IFT74: variants seen among roughly 807,000 people sequenced by gnomAD.
IFT74 encodes the protein intraflagellar transport protein 74 homolog.
In IFT74, 92 loss-of-function variants were observed where a neutral mutation model predicts 96.7. That is an observed-to-expected ratio of 0.95 (90% CI 0.80 to 1.13). IFT74 has a LOEUF of 1.13. Among genes scored for constraint, IFT74 ranks in the 50% most tolerant of loss-of-function variants. IFT74 has a pLI of 0.00. For missense variants in IFT74, 811 were observed against 698.2 expected (o/e 1.16, Z -1.82); for synonymous variants, 223 against 213.2 (o/e 1.05, Z -0.40).
At chr9:26,982,219 T>C in intron 4 of IFT74, 1 of 295,518 alleles carries the variant, frequency 3.4e-6, no homozygotes, top group Admixed American at 4.7e-5. Flanking sequence ...AGTATGTATT[T>C]GGTCAGTTGC....
chr9:26,995,715 G>A (rs755168921), intron 8 of IFT74: 3 of 1,613,694 alleles, frequency 1.9e-6, no homozygotes, highest in South Asian at 2.2e-5. Context: ...TCTTCCAGGC[G>A]ATGATGATTA....
chr9:26,978,056 T>C (rs1827200244), intron 2 of IFT74, 72 bp from the exon 3 acceptor site: 1 of 1,354,648 alleles, frequency 7.4e-7, no homozygotes, highest in Non-Finnish European at 9.9e-7. Context: ...AAATTGTCTT[T>C]GCAGTTTTAC....
rs574079812 is a variant in IFT74, at chr9:27,030,032, TG to T, written c.1054+933del. On this transcript the variant is annotated intron_variant, in intron 13 of 19. Transcript: ENST00000380062. ...AAATACTGTGGTGGGGGTTTGGGTG[TG>T]GGGGCTACATTGTTATTTATGGTTA... Among the ~76,000 whole-genome samples, 894 of 151,916 alleles carry T rather than the reference TG, an allele frequency of 5.9e-3. 9 individuals are homozygous for T. The highest frequency in any genetic ancestry group is 0.021 in the African/African-American group (851 of 41,444).
chr9:26,957,846 T>G (rs1467574244), intron 1 of IFT74, among the ~76,000 whole-genome samples: 1 of 151,592 alleles, frequency 6.6e-6, no homozygotes, highest in Non-Finnish European at 1.5e-5. Context: ...CAGGCTGGAG[T>G]GCAGTGGCGC....
At chr9:27,040,929 A>G (rs1819448994) in intron 13 of IFT74, among the ~76,000 whole-genome samples, 2 of 152,134 alleles carry the variant, frequency 1.3e-5, no homozygotes, top group Non-Finnish European at 2.9e-5. Context: ...TATGGGGTGA[A>G]CTTCCCTTGC....
chr9:26,990,403 A>G (rs963364723), intron 8 of IFT74, among the ~76,000 whole-genome samples: 2 of 152,212 alleles, frequency 1.3e-5, no homozygotes, highest in African/African-American at 4.8e-5. Flanking sequence ...GACTATTGCT[A>G]CATAGCTTAT....
At chr9:27,054,814 G>A (rs1820088876) in intron 16 of IFT74, among the ~76,000 whole-genome samples, 1 of 152,088 alleles carries the variant, frequency 6.6e-6, no homozygotes, top group Non-Finnish European at 1.5e-5. Context: ...TATATTTAGT[G>A]GCATGTTTTT....
chr9:26,974,748 G>A (rs768977638), intron 2 of IFT74, among the ~76,000 whole-genome samples: 66 of 152,176 alleles, frequency 4.3e-4, no homozygotes, highest in African/African-American at 1.4e-3. Flanking sequence ...ATATTAACTC[G>A]ACCCAGGTAT....
intron 8 of IFT74, among the ~76,000 whole-genome samples, chr9:27,002,731 C>T (rs1322242895): frequency 6.6e-6 from 1 of 152,168 alleles, no homozygotes; most frequent in Non-Finnish European, 1.5e-5. Flanking sequence ...GTGATGCCTC[C>T]AGCTTTGTTC....
At chr9:26,980,953 G>A (rs1036049550) in intron 4 of IFT74, among the ~76,000 whole-genome samples, 2 of 152,042 alleles carry the variant, frequency 1.3e-5, no homozygotes, top group African/African-American at 4.8e-5. Context: ...TTACTGTTCC[G>A]GAGACGCAGA....
chr9:26,948,952 A>T (rs1825852990), intron 1 of IFT74, among the ~76,000 whole-genome samples: 1 of 150,726 alleles, frequency 6.6e-6, no homozygotes. Flanking sequence ...TTTTTTTTTT[A>T]AACTTAGAAT....
At chr9:26,981,284 T>C (rs1012977176) in intron 4 of IFT74, among the ~76,000 whole-genome samples, 1 of 152,222 alleles carries the variant, frequency 6.6e-6, no homozygotes, top group Non-Finnish European at 1.5e-5. Flanking sequence ...TCTCACTCTG[T>C]TGCCCAGGCT....
rs10812520 is a variant in IFT74 at position 27,047,248 on chromosome 9, T to C, written c.1109-26T>C. 1,030,609 of 1,365,072 alleles carry C rather than the reference T, an allele frequency of 0.75. 391,018 individuals are homozygous for C. The highest frequency in any genetic ancestry group is 0.88 in the East Asian group (38,171 of 43,164). The allele number at this position is 1,365,072 out of a possible 1,614,324, so 84.6% of individuals were successfully genotyped here. ...ATAGTGTTAACTCTATCAGCAGTAA[T>C]CTCTCTTATGTTTTCCAATTGTCAG... On this transcript the variant is annotated intron_variant, in intron 14 of 19. Coordinates refer to ENST00000380062, the MANE Select transcript of IFT74 (RefSeq NM_025103.4).
At chr9:27,015,086 T>C (rs1279761865) in intron 10 of IFT74, among the ~76,000 whole-genome samples, 2 of 152,220 alleles carry the variant, frequency 1.3e-5, no homozygotes, top group Non-Finnish European at 2.9e-5. Flanking sequence ...TGAGCTTAAG[T>C]CTTCCAGAAC....
Position 26,984,571 on chromosome 9 carries a change from TTTCTA to T in IFT74, c.465+13_465+17del. The stretch of plus-strand genomic sequence containing the variant: ...CAGACTACAACATGGTATTTTATCT[TTTCTA>T]AGAGAATTTACTGTTAATATTTTCA... On this transcript the variant is annotated intron_variant, in intron 6 of 19. Transcript: ENST00000380062. 3.1e-6 allele frequency: 5 copies of T among 1,589,706 alleles called. No homozygotes were observed. The highest frequency in any genetic ancestry group is 4.3e-6 in the Non-Finnish European group (5 of 1,161,642).
At chr9:26,965,845 C>T (rs1311576058) in intron 2 of IFT74, among the ~76,000 whole-genome samples, 1 of 152,050 alleles carries the variant, frequency 6.6e-6, no homozygotes, top group Non-Finnish European at 1.5e-5. Context: ...CGTATGTACC[C>T]ATTGTTTAGC....
chr9:26,968,415 C>T (rs994808429), intron 2 of IFT74, among the ~76,000 whole-genome samples: 1 of 152,064 alleles, frequency 6.6e-6, no homozygotes, highest in African/African-American at 2.4e-5. Context: ...GCATGTGCTA[C>T]CACGTCTGGC....
At chr9:27,021,236 G>T (rs1829585573) in intron 12 of IFT74, among the ~76,000 whole-genome samples, 1 of 151,992 alleles carries the variant, frequency 6.6e-6, no homozygotes, top group African/African-American at 2.4e-5. Context: ...CTTGTTGATT[G>T]TTGGCTTTTT....
At chr9:26,992,402 A>G (rs969126638) in intron 8 of IFT74, among the ~76,000 whole-genome samples, 2 of 152,170 alleles carry the variant, frequency 1.3e-5, no homozygotes, top group African/African-American at 4.8e-5. Flanking sequence ...GAAATTAAGA[A>G]CAACAATTGG....
Sources: gnomAD v4.1 joint callset for allele counts (sites outside exome capture counted in the v4.1 genomes callset) on GRCh38, gnomAD v4.1.1 for gene constraint, MANE v1.5 for transcripts, NCBI Gene and HGNC (gene_info 2026-07-23, HGNC 2026-07-21) for gene names.